Variants in CNTN4 observed in about 807,000 individuals in gnomAD.
CNTN4 encodes contactin-4.
Under a neutral mutation model 122.5 loss-of-function variants are expected in CNTN4, and 77 were observed. The ratio of observed to expected loss-of-function variants is 0.63; its 90% CI spans 0.52 to 0.76. The LOEUF (loss-of-function observed/expected upper bound fraction) is 0.76. Ranked by LOEUF, CNTN4 falls within the 30% of genes least tolerant of loss-of-function variation. The probability of loss-of-function intolerance (pLI) is 0.00; values close to 1 mark genes in which losing one functional copy is unlikely to be tolerated. For synonymous variants in CNTN4, 512 were observed against 447.0 expected, an observed-to-expected ratio of 1.15 and a Z score of -1.83; for missense variants, 1,256 against 1,259.1, an observed-to-expected ratio of 1.00 and a Z score of 0.04.
At chr3:2,434,816 A>G (rs1575621917) in intron 3 of CNTN4, among the ~76,000 whole-genome samples, 1 of 152,316 alleles carries the variant, frequency 6.6e-6, no homozygotes, top group South Asian at 2.1e-4. Flanking sequence ...TATTTGGAGC[A>G]TCACTCCTGC....
chr3:2,203,609 G>A (rs2038206815), intron 2 of CNTN4, among the ~76,000 whole-genome samples: 2 of 152,106 alleles, frequency 1.3e-5, no homozygotes, highest in Admixed American at 1.3e-4. Flanking sequence ...AAATGTACCT[G>A]CTCCAGTACG....
intron 3 of CNTN4, among the ~76,000 whole-genome samples, chr3:2,524,483 G>A (rs73000096): frequency 0.12 from 18,109 of 152,088 alleles, 1,112 homozygotes; most frequent in African/African-American, 0.15. Context: ...ACACCTAGGA[G>A]TGGAATTGAT....
At chr3:2,135,695 C>T (rs971754544) in intron 2 of CNTN4, among the ~76,000 whole-genome samples, 12 of 151,482 alleles carry the variant, frequency 7.9e-5, no homozygotes, top group African/African-American at 2.9e-4. Flanking sequence ...GCTATGGGAA[C>T]CTTATGATGT....
At chr3:2,314,755 A>G (rs954708246) in intron 2 of CNTN4, among the ~76,000 whole-genome samples, 1 of 152,012 alleles carries the variant, frequency 6.6e-6, no homozygotes, top group African/African-American at 2.4e-5. Context: ...AAAATGAGAA[A>G]AAATTTGCAA....
chr3:2,142,732 A>G (rs1038504073), intron 2 of CNTN4, among the ~76,000 whole-genome samples: 2 of 152,218 alleles, frequency 1.3e-5, no homozygotes, highest in African/African-American at 4.8e-5. Flanking sequence ...ATGATAGAAG[A>G]ACAAAAATTA....
intron 4 of CNTN4, among the ~76,000 whole-genome samples, chr3:2,713,701 C>T (rs150642445): frequency 3.3e-5 from 5 of 152,170 alleles, no homozygotes; most frequent in African/African-American, 7.2e-5. Flanking sequence ...TTTGGGGTAG[C>T]GTGTCCTGAA....
At chr3:2,722,121 T>C (rs1440898534) in intron 4 of CNTN4, among the ~76,000 whole-genome samples, 1 of 152,230 alleles carries the variant, frequency 6.6e-6, no homozygotes, top group African/African-American at 2.4e-5. Context: ...TAAAGCAACC[T>C]GAACAGACTA....
At position 2,127,555 on chromosome 3, in the gene CNTN4, A is replaced by C. The variant is rs115814005; in HGVS notation, c.-145+26916A>C. Among the ~76,000 whole-genome samples, 1,162 of 152,284 alleles carry C rather than the reference A, an allele frequency of 7.6e-3. 17 individuals are homozygous for C. Among genetic ancestry groups the C allele is most frequent in the African/African-American group, 0.026 (1,064 of 41,558 alleles). On this transcript the variant is annotated intron_variant, in intron 2 of 24. Coordinates refer to ENST00000418658, the MANE Select transcript of CNTN4 (RefSeq NM_175607.3). ...TTGATTGTTTTAAAAAAAATCAAGA[A>C]TATTTCTAAAATATAAAAAAAATTA...
At chr3:2,563,956 G>A (rs1040323419) in intron 3 of CNTN4, among the ~76,000 whole-genome samples, 1 of 151,834 alleles carries the variant, frequency 6.6e-6, no homozygotes, top group Non-Finnish European at 1.5e-5. Flanking sequence ...CTCAAGCTCA[G>A]CTAACAAATT....
chr3:2,983,213 C>CAAAAAAAAA (rs57079892), intron 13 of CNTN4, among the ~76,000 whole-genome samples: 2 of 19,016 alleles, frequency 1.1e-4, no homozygotes, highest in African/African-American at 3.3e-4. Flanking sequence ...GACTCCATCT[C>CAAAAAAAAA]AAAAAAAAAA....
intron 2 of CNTN4, among the ~76,000 whole-genome samples, chr3:2,235,539 A>G (rs2039649217): frequency 6.6e-6 from 1 of 152,156 alleles, no homozygotes; most frequent in Non-Finnish European, 1.5e-5. Context: ...TGCTTAAAAT[A>G]AAATTTCTCC....
chr3:2,673,361 C>T (rs560115804), intron 4 of CNTN4, among the ~76,000 whole-genome samples: 2 of 152,212 alleles, frequency 1.3e-5, no homozygotes, highest in South Asian at 4.2e-4. Flanking sequence ...AGACTGATTG[C>T]AAAATATAAC....
chr3:2,968,795 A>G (rs1362364176), intron 13 of CNTN4, among the ~76,000 whole-genome samples: 1 of 152,170 alleles, frequency 6.6e-6, no homozygotes, highest in Admixed American at 6.5e-5. Flanking sequence ...ATGGGCACCC[A>G]TGTTGACCCC....
At chr3:2,566,978 C>T (rs927527898) in intron 3 of CNTN4, among the ~76,000 whole-genome samples, 2 of 152,028 alleles carry the variant, frequency 1.3e-5, no homozygotes, top group Non-Finnish European at 2.9e-5. Flanking sequence ...CAGGGGATTG[C>T]ATTTTAAGCA....
chr3:2,409,202 G>T (rs1253646885), intron 3 of CNTN4, among the ~76,000 whole-genome samples: 3 of 145,158 alleles, frequency 2.1e-5, no homozygotes, highest in Non-Finnish European at 4.6e-5. Context: ...AAAAACGTTT[G>T]TTACTTTTTT....
chr3:2,553,494 G>A (rs1009614108), intron 3 of CNTN4, among the ~76,000 whole-genome samples: 2 of 152,108 alleles, frequency 1.3e-5, no homozygotes, highest in African/African-American at 2.4e-5. Flanking sequence ...CTTGAAATAA[G>A]TATCAAAACT....
At position 2,427,605 on chromosome 3, in the gene CNTN4, G is replaced by A. The variant is rs151005747; in HGVS notation, c.-89+88372G>A. Among the ~76,000 whole-genome samples the A allele has an allele frequency of 8.8e-3, 1,333 of 152,276 alleles. 7 individuals carry two copies. The highest frequency in any genetic ancestry group is 0.015 in the Non-Finnish European group (998 of 68,014). On this transcript the variant is annotated intron_variant, in intron 3 of 24. Coordinates refer to ENST00000418658, the MANE Select transcript of CNTN4 (RefSeq NM_175607.3). ...TATTAGGTCCGCTTGGTGCAGAGCC[G>A]AGTTCAATTCCTGGATATCCTTGTT...
intron 2 of CNTN4, among the ~76,000 whole-genome samples, chr3:2,266,674 A>T (rs1316900557): frequency 6.6e-6 from 1 of 152,048 alleles, no homozygotes; most frequent in East Asian, 1.9e-4. Flanking sequence ...AGAATTTATA[A>T]TGTCTTCTAT....
At chr3:2,205,084 G>T (rs1164272505) in intron 2 of CNTN4, among the ~76,000 whole-genome samples, 3 of 151,804 alleles carry the variant, frequency 2.0e-5, no homozygotes, top group Admixed American at 1.3e-4. Context: ...TTGGTGAGAA[G>T]AGGTCATGTA....
Sources: gnomAD v4.1 joint callset for allele counts (sites outside exome capture counted in the v4.1 genomes callset) on GRCh38, gnomAD v4.1.1 for gene constraint, MANE v1.5 for transcripts, NCBI Gene and HGNC (gene_info 2026-07-23, HGNC 2026-07-21) for gene names.